PAMR1: variants seen among roughly 807,000 people sequenced by gnomAD.
The protein encoded by PAMR1 is inactive serine protease PAMR1.
In PAMR1, 88 loss-of-function variants were observed where a neutral mutation model predicts 81.8. That is an observed-to-expected ratio of 1.08 (90% CI 0.91 to 1.28). The LOEUF (loss-of-function observed/expected upper bound fraction) is 1.28. Among genes scored for constraint, PAMR1 ranks in the 50% most tolerant of loss-of-function variants. PAMR1 has a pLI of 0.00. For synonymous variants in PAMR1, 336 were observed against 345.3 expected, an observed-to-expected ratio of 0.97 and a Z score of 0.30; for missense variants, 935 against 919.7, an observed-to-expected ratio of 1.02 and a Z score of -0.21.
intron 4 of PAMR1, among the ~76,000 whole-genome samples, chr11:35,474,141 A>G (rs921127024): frequency 1.3e-5 from 2 of 152,230 alleles, no homozygotes; most frequent in African/African-American, 2.4e-5. Flanking sequence ...CTAAAGCTCC[A>G]TAAAAAGAAA....
rs11033121 is a variant in PAMR1 at position 35,441,354 on chromosome 11, T to C, written c.1033+127A>G. On this transcript the variant is annotated intron_variant, in intron 7 of 10. Transcript: ENST00000619888. ...AGGATGGTTTCCAACCTCAGAGATA[T>C]ATGGTTTCAGAAAGGACTTAAAAGA... The C allele has an allele frequency of 2.0e-3, 1,412 of 704,666 alleles. 10 individuals are homozygous for C. In the African/African-American group the frequency reaches 0.022, roughly 11 times the overall value. 43.7% of individuals were successfully genotyped at this position (704,666 alleles called of 1,614,324 possible).
At chr11:35,527,956 G>A (rs760740259), upstream of PAMR1, among the ~76,000 whole-genome samples, 5 of 151,984 alleles carry the variant, frequency 3.3e-5, no homozygotes, top group African/African-American at 4.8e-5. Context: ...ATCTCCACCT[G>A]GTCCTTCCCA....
At chr11:35,456,323 T>G (rs1856532467) in intron 6 of PAMR1, among the ~76,000 whole-genome samples, 1 of 152,178 alleles carries the variant, frequency 6.6e-6, no homozygotes, top group Admixed American at 6.6e-5. Context: ...AGAAGTTGAC[T>G]GTAGTCGGAT....
chr11:35,449,161 G>A (rs1303229830), intron 6 of PAMR1, among the ~76,000 whole-genome samples: 1 of 152,206 alleles, frequency 6.6e-6, no homozygotes, highest in Non-Finnish European at 1.5e-5. Context: ...CTGCCCCTTG[G>A]CAGAGCAGGT....
intron 3 of PAMR1, among the ~76,000 whole-genome samples, chr11:35,485,580 C>A (rs546981481): frequency 6.6e-6 from 1 of 152,180 alleles, no homozygotes; most frequent in African/African-American, 2.4e-5. Flanking sequence ...GATAATACAA[C>A]CTGCCAATGG....
Position 35,520,449 on chromosome 11 carries a change from C to T in PAMR1, c.73+5064G>A, listed in dbSNP as rs559188142. 2.0e-5 allele frequency among the ~76,000 whole-genome samples: 3 copies of T among 152,304 alleles called. No individual in the cohort carries two copies. The South Asian group carries it at 6.2e-4, about 32-fold the overall frequency. ...TTCATTTTAATCTAAAGCTCTCGCC[C>T]AGGTGTTGAGATGACTGACAAACAG... On this transcript the variant is annotated intron_variant, in intron 1 of 10. Coordinates refer to ENST00000619888, the MANE Select transcript of PAMR1 (RefSeq NM_001001991.3).
chr11:35,449,335 T>C (rs1254826608), intron 6 of PAMR1, among the ~76,000 whole-genome samples: 2 of 151,938 alleles, frequency 1.3e-5, no homozygotes, highest in African/African-American at 2.4e-5. Context: ...ACTAAGTGTG[T>C]TGAACAGGAG....
intron 1 of PAMR1, among the ~76,000 whole-genome samples, chr11:35,516,616 G>A (rs753763737): frequency 6.6e-6 from 1 of 152,196 alleles, no homozygotes; most frequent in Non-Finnish European, 1.5e-5. Context: ...AGCGAAGGCA[G>A]GAATAAAGTA....
In PAMR1 at chr11:35,467,117, C is replaced by A. The variant is rs546898150; in HGVS notation, c.820+884G>T. Among the ~76,000 whole-genome samples, 4 of 152,236 alleles carry A rather than the reference C, an allele frequency of 2.6e-5. No individual in the cohort carries two copies. In the South Asian group the frequency reaches 8.3e-4, roughly 32 times the overall value. ...GCTGTGGGCATATGAAAGCCCAGAT[C>A]CCTTGCCTTAAAGCTAGAACATTAC... is the stretch of plus-strand genomic sequence containing the variant. On this transcript the variant is annotated intron_variant, in intron 6 of 10. Coordinates refer to ENST00000619888, the MANE Select transcript of PAMR1 (RefSeq NM_001001991.3).
chr11:35,502,369 A>C (rs1850863984), intron 1 of PAMR1, among the ~76,000 whole-genome samples: 1 of 152,152 alleles, frequency 6.6e-6, no homozygotes. Context: ...CCAGGTATTA[A>C]GCCTGGCATG....
At chr11:35,472,462 G>C (rs2135380438) in intron 4 of PAMR1, among the ~76,000 whole-genome samples, 1 of 152,318 alleles carries the variant, frequency 6.6e-6, no homozygotes, top group South Asian at 2.1e-4. Context: ...CGGCCCTCAT[G>C]GAGATTAATT....
intron 1 of PAMR1, among the ~76,000 whole-genome samples, chr11:35,521,986 G>T (rs1347733683): frequency 6.6e-6 from 1 of 151,780 alleles, no homozygotes; most frequent in East Asian, 1.9e-4. Flanking sequence ...GCAGTGGCGC[G>T]ATCTTGGCTC....
chr11:35,455,146 G>A (rs928411489), intron 6 of PAMR1, among the ~76,000 whole-genome samples: 2 of 152,178 alleles, frequency 1.3e-5, no homozygotes, highest in South Asian at 2.1e-4. Flanking sequence ...TGTCATACTC[G>A]ACATAAAAGT....
chr11:35,439,704 A>G lies in PAMR1; in HGVS notation c.1034-11T>C. On this transcript the variant is annotated splice_polypyrimidine_tract_variant and intron_variant, in intron 7 of 10. Transcript: ENST00000619888. Reference sequence around the variant, plus strand: ...TTGGTTCTCGGCAGGCTAGAAATAAAAAAGACAATGCTGCATGATCCTTTT... The same window carrying G: ...TTGGTTCTCGGCAGGCTAGAAATAAGAAAGACAATGCTGCATGATCCTTTT... The G allele has an allele frequency of 6.2e-7, 1 of 1,608,128 alleles. No homozygotes were observed. The highest frequency in any genetic ancestry group is 1.1e-5 in the South Asian group (1 of 90,926).
intron 6 of PAMR1, among the ~76,000 whole-genome samples, chr11:35,455,701 T>C (rs1475782112): frequency 6.6e-6 from 1 of 152,178 alleles, no homozygotes; most frequent in Non-Finnish European, 1.5e-5. Context: ...TTGATTTGAT[T>C]CATTTTCTTA....
intron 5 of PAMR1, 106 bp downstream of exon 5, chr11:35,470,495 C>G (rs1293400585): frequency 2.5e-5 from 21 of 847,778 alleles, no homozygotes; most frequent in Non-Finnish European, 3.5e-5. Flanking sequence ...AGAACACAGC[C>G]TACTAGGTTT....
At chr11:35,437,036 A>G (rs1034512334) in intron 8 of PAMR1, among the ~76,000 whole-genome samples, 10 of 152,214 alleles carry the variant, frequency 6.6e-5, no homozygotes, top group Non-Finnish European at 1.5e-4. Flanking sequence ...CTCAGAGAAT[A>G]GAACTTTCTC....
chr11:35,486,344 A>G (rs1850506655), intron 3 of PAMR1, among the ~76,000 whole-genome samples: 1 of 152,244 alleles, frequency 6.6e-6, no homozygotes, highest in Non-Finnish European at 1.5e-5. Flanking sequence ...ATTTCATAGC[A>G]TTGACCACAT....
chr11:35,492,064 C>G lies in PAMR1; in HGVS notation c.360G>C (p.Trp120Cys). 6.2e-7 allele frequency: 1 copy of G among 1,613,690 alleles called. No individual in the cohort carries two copies. The highest frequency in any genetic ancestry group is 8.5e-7 in the Non-Finnish European group (1 of 1,179,748). The change falls in exon 3 of 11, where the codon TGG becomes TGC. Residue 120 changes from tryptophan (W) to cysteine (C), a missense_variant. Physicochemically the swap from Trp to Cys is radical, Grantham distance 215 (BLOSUM62 -2). Transcript: ENST00000619888. The stretch of plus-strand genomic sequence containing the variant: ...ACTTACGCATGCAGTCTCCTCCGTA[C>G]CAGCCTGCTCGGCACTCTGCACAGT... ...GFYCAECRAG[W>C]YGGDCMRCGQ...
Sources: allele counts gnomAD v4.1 joint callset (sites outside exome capture counted in the v4.1 genomes callset), GRCh38; gene constraint gnomAD v4.1.1; transcripts MANE v1.5; gene names NCBI Gene and HGNC (gene_info 2026-07-23, HGNC 2026-07-21).